PLCL2: variants seen among roughly 807,000 people sequenced by gnomAD.
PLCL2 encodes the protein inactive phospholipase C-like protein 2.
Under a neutral mutation model 79.6 loss-of-function variants are expected in PLCL2, and 4 were observed. The observed-to-expected ratio is 0.05, with a 90% CI of 0.02 to 0.11. PLCL2 has a LOEUF of 0.11. Ranked by LOEUF, PLCL2 falls within the 10% of genes least tolerant of loss-of-function variation. The pLI is 1.00. For synonymous variants in PLCL2, 484 were observed against 457.7 expected, an observed-to-expected ratio of 1.06 and a Z score of -0.73; for missense variants, 895 against 1,291.0, an observed-to-expected ratio of 0.69 and a Z score of 4.70.
intron 1 of PLCL2, among the ~76,000 whole-genome samples, chr3:17,004,158 G>A (rs1008913443): frequency 6.6e-6 from 1 of 152,096 alleles, no homozygotes; most frequent in Admixed American, 6.6e-5. Context: ...TGTGACCGTG[G>A]CTCTCTGATG....
chr3:16,895,048 A>G (rs1311230296), intron 1 of PLCL2, among the ~76,000 whole-genome samples: 2 of 151,980 alleles, frequency 1.3e-5, no homozygotes, highest in African/African-American at 4.8e-5. Context: ...ACATATATAG[A>G]TATGTTGAAA....
chr3:17,011,185 G>T lies in PLCL2; in HGVS notation c.1839G>T (p.Gln613His). Reference sequence around the variant, plus strand: ...ATAATGTGCCTGTGAAGCGATTTCAGCTTTGTAAAGAACTGTCTGAACTGG... The same window carrying T: ...ATAATGTGCCTGTGAAGCGATTTCATCTTTGTAAAGAACTGTCTGAACTGG... ...QPNNVPVKRF[Q>H]LCKELSELVS... The change falls in exon 2 of 6, where the codon CAG becomes CAT. Residue 613 changes from glutamine to histidine, a missense_variant. Physicochemically the swap from Gln to His is conservative, Grantham distance 24. Coordinates refer to ENST00000615277, the MANE Select transcript of PLCL2 (RefSeq NM_001144382.2). The surrounding 1 kb of genome is among the most constrained non-coding windows in gnomAD (Gnocchi z 7.9). 1 of 1,614,202 alleles carries T rather than the reference G, an allele frequency of 6.2e-7. No homozygotes were observed. The highest frequency in any genetic ancestry group is 8.5e-7 in the Non-Finnish European group (1 of 1,180,040).
chr3:17,070,199 C>G (rs879551177), intron 5 of PLCL2, among the ~76,000 whole-genome samples: 3 of 152,174 alleles, frequency 2.0e-5, no homozygotes, highest in Non-Finnish European at 2.9e-5. Flanking sequence ...CAAGTCCCAC[C>G]CTAGTCCTGC....
intron 5 of PLCL2, among the ~76,000 whole-genome samples, chr3:17,088,825 A>G (rs2065246582): frequency 6.6e-6 from 1 of 152,214 alleles, no homozygotes; most frequent in African/African-American, 2.4e-5. Flanking sequence ...GCCCATTGTC[A>G]GCACCGATTC....
intron 1 of PLCL2, among the ~76,000 whole-genome samples, chr3:16,922,212 T>C (rs975367862): frequency 1.3e-5 from 2 of 152,210 alleles, no homozygotes; most frequent in Non-Finnish European, 2.9e-5. Context: ...AGCACTCTGA[T>C]TTAGAGTTTT....
chr3:16,900,732 T>G (rs917315132), intron 1 of PLCL2, among the ~76,000 whole-genome samples: 2 of 152,178 alleles, frequency 1.3e-5, no homozygotes, highest in Admixed American at 6.5e-5. Context: ...ACATCATCAG[T>G]GGCCTCCATT....
chr3:17,011,134 G>A lies in PLCL2; in HGVS notation c.1788G>A (p.Met596Ile). ...EDEGAEMSQR[M>I]GKENMEQPNN... ...AAGGAGCAGAAATGTCTCAGAGGAT[G>A]GGAAAAGAGAACATGGAGCAACCCA... The change falls in exon 2 of 6, where the codon ATG becomes ATA. Residue 596 changes from methionine (M) to isoleucine (I), a missense_variant. Physicochemically the swap from Met to Ile is conservative, Grantham distance 10. This residue lies in a region of PLCL2 where 242 missense variants were observed against 399.5 expected (regional missense o/e 0.61). Coordinates refer to ENST00000615277, the MANE Select transcript of PLCL2 (RefSeq NM_001144382.2). The surrounding 1 kb of genome is among the most constrained non-coding windows in gnomAD (Gnocchi z 7.9). 1 of 1,614,074 alleles carries A rather than the reference G, an allele frequency of 6.2e-7. No homozygotes were observed. Among genetic ancestry groups the A allele is most frequent in the Non-Finnish European group, 8.5e-7 (1 of 1,179,984 alleles).
chr3:16,970,009 T>C (rs1190570215), intron 1 of PLCL2, among the ~76,000 whole-genome samples: 1 of 150,016 alleles, frequency 6.7e-6, no homozygotes, highest in African/African-American at 2.4e-5. Flanking sequence ...TGTAATTGTA[T>C]AGCTTTGAAT....
chr3:17,044,178 C>T (rs17272817), intron 4 of PLCL2: 23,311 of 152,260 alleles, frequency 0.15, 2,287 homozygotes, highest in Non-Finnish European at 0.2. Flanking sequence ...AGAGAATGTC[C>T]ATGGGCAGAC....
intron 1 of PLCL2, among the ~76,000 whole-genome samples, chr3:16,926,772 C>T (rs976240095): frequency 1.3e-5 from 2 of 151,960 alleles, no homozygotes; most frequent in Non-Finnish European, 2.9e-5. Flanking sequence ...GCTGAGACTA[C>T]AGGCACCCGC....
intron 1 of PLCL2, among the ~76,000 whole-genome samples, chr3:16,892,156 A>G (rs535081795): frequency 6.6e-6 from 1 of 152,368 alleles, no homozygotes; most frequent in South Asian, 2.1e-4. Context: ...CTTAACTCCA[A>G]CTGGTTTTGA....
intron 1 of PLCL2, among the ~76,000 whole-genome samples, chr3:16,966,908 T>A (rs913368132): frequency 1.3e-5 from 2 of 152,106 alleles, no homozygotes; most frequent in Non-Finnish European, 2.9e-5. Flanking sequence ...AGTGTTTTGA[T>A]CCTCACCCTC....
chr3:17,041,205 T>C (rs2064717730), intron 3 of PLCL2, among the ~76,000 whole-genome samples: 1 of 152,212 alleles, frequency 6.6e-6, no homozygotes, highest in Admixed American at 6.5e-5. Flanking sequence ...AAATAGAATA[T>C]TTTAATTTAT....
At chr3:16,911,347 T>TA (rs1318960258) in intron 1 of PLCL2, among the ~76,000 whole-genome samples, 1 of 152,018 alleles carries the variant, frequency 6.6e-6, no homozygotes, top group African/African-American at 2.4e-5. Context: ...TGCATTAATA[T>TA]ATTCTTAATT....
intron 1 of PLCL2, among the ~76,000 whole-genome samples, chr3:16,895,472 T>A (rs765232492): frequency 1.8e-4 from 27 of 152,156 alleles, no homozygotes; most frequent in Non-Finnish European, 2.9e-4. Context: ...GAAAATAGAA[T>A]CTCTTTCCCA....
chr3:16,916,665 C>G (rs912463006), intron 1 of PLCL2, among the ~76,000 whole-genome samples: 2 of 152,150 alleles, frequency 1.3e-5, no homozygotes, highest in South Asian at 2.1e-4. Context: ...ATGCTATGAT[C>G]TTTTTAATTA....
chr3:17,040,912 T>A (rs1369135761), intron 3 of PLCL2, among the ~76,000 whole-genome samples: 1 of 152,158 alleles, frequency 6.6e-6, no homozygotes, highest in South Asian at 2.1e-4. Flanking sequence ...CTGGGTTCAT[T>A]TCCTTGATCA....
rs1361383524 is a variant in PLCL2 at position 16,887,243 on chromosome 3, AT to A, written c.327+1882del. Among the ~76,000 whole-genome samples the A allele has an allele frequency of 6.6e-6, 1 of 152,144 alleles. No homozygotes were observed. Among genetic ancestry groups the A allele is most frequent in the African/African-American group, 2.4e-5 (1 of 41,444 alleles). On this transcript the variant is annotated intron_variant, in intron 1 of 5. Transcript: ENST00000615277. This position sits in a 1 kb window ranked among gnomAD's most constrained non-coding sequence, Gnocchi z 4.1. ...CTGAAACTTTTAAGGATATTTTGTCATTTTTCTTCTTTGTAAAGAAAGCATT... is the reference window on the plus strand; with the variant it reads ...CTGAAACTTTTAAGGATATTTTGTCATTTTCTTCTTTGTAAAGAAAGCATT...
chr3:16,980,462 G>A (rs1210488449), intron 1 of PLCL2, among the ~76,000 whole-genome samples: 1 of 151,216 alleles, frequency 6.6e-6, no homozygotes, highest in Non-Finnish European at 1.5e-5. Context: ...TCTCAGACGG[G>A]GCGGCCGGGC....
Sources: allele counts gnomAD v4.1 joint callset (sites outside exome capture counted in the v4.1 genomes callset), GRCh38; gene constraint gnomAD v4.1.1; regional missense constraint gnomAD v4.1.1; non-coding constraint Gnocchi (gnomAD v3.1); transcripts MANE v1.5; gene names NCBI Gene and HGNC (gene_info 2026-07-23, HGNC 2026-07-21).